CCDC178: variants seen among roughly 807,000 people sequenced by gnomAD.
CCDC178 encodes the protein coiled-coil domain containing 178.
In CCDC178, 126 loss-of-function variants were observed where a neutral mutation model predicts 117.4. That is an observed-to-expected ratio of 1.07 (90% CI 0.93 to 1.24). The LOEUF is 1.24. CCDC178 is among the 50% of genes most tolerant of loss of function. The pLI, the probability that CCDC178 is intolerant of heterozygous loss-of-function variation, is 0.00. For synonymous variants in CCDC178, 283 were observed against 313.4 expected (o/e 0.90, Z 1.02); for missense variants, 1,030 against 986.9 (o/e 1.04, Z -0.59).
chr18:33,372,890 G>A (rs372278991), intron 5 of CCDC178, among the ~76,000 whole-genome samples: 2 of 151,914 alleles, frequency 1.3e-5, no homozygotes, highest in African/African-American at 2.4e-5. Flanking sequence ...CTTTATGTAC[G>A]TTACCCCAAT....
rs1555656314 is a variant in CCDC178 at position 33,179,116 on chromosome 18, A to ATATATAAAC, written c.2238+32779_2238+32780insGTTTATATA. Among the ~76,000 whole-genome samples, 16 of 115,820 alleles carry ATATATAAAC rather than the reference A, an allele frequency of 1.4e-4. 2 individuals carry two copies. The highest frequency in any genetic ancestry group is 1.8e-4 in the African/African-American group (5 of 28,314). 76.0% of individuals were successfully genotyped at this position (115,820 alleles called of 152,430 possible). A position where few individuals can be genotyped will look rare whatever the true frequency, so the allele number is the denominator to read the frequency against. ...ATATATATATATATATATAAACTAT[A>ATATATAAAC]TATATATATATAAACTATATATATA... On this transcript the variant is annotated intron_variant, in intron 20 of 22. Coordinates refer to ENST00000383096, the MANE Select transcript of CCDC178 (RefSeq NM_001105528.4).
intron 21 of CCDC178, among the ~76,000 whole-genome samples, chr18:33,049,594 T>C (rs1315871024): frequency 6.6e-6 from 1 of 152,204 alleles, no homozygotes; most frequent in Non-Finnish European, 1.5e-5. Context: ...GCATTTATTC[T>C]TGAATATGCT....
At chr18:32,983,612 G>T (rs2055199508) in intron 21 of CCDC178, among the ~76,000 whole-genome samples, 1 of 151,940 alleles carries the variant, frequency 6.6e-6, no homozygotes, top group African/African-American at 2.4e-5. Context: ...TTTCCTATAG[G>T]AATTTATTTT....
chr18:33,332,357 A>T (rs1178245862), intron 10 of CCDC178, among the ~76,000 whole-genome samples: 2 of 152,202 alleles, frequency 1.3e-5, no homozygotes. Context: ...AATAAATATA[A>T]TACAAATTTA....
chr18:33,254,251 AACACACACACACACACACACAC>A (rs34689445), intron 14 of CCDC178, among the ~76,000 whole-genome samples: 29 of 135,462 alleles, frequency 2.1e-4, no homozygotes, highest in African/African-American at 7.1e-4. Context: ...TCTATTGAGA[AACACACACACACACACACACAC>A]ACACACACAC....
intron 20 of CCDC178, 128 bp downstream of exon 20, chr18:33,211,768 T>C: frequency 1.5e-6 from 1 of 678,050 alleles, no homozygotes; most frequent in Non-Finnish European, 2.4e-6. Context: ...AGGTTTATTA[T>C]GTTAACAAAT....
chr18:33,300,001 A>G (rs2062156318), intron 11 of CCDC178, among the ~76,000 whole-genome samples: 2 of 152,316 alleles, frequency 1.3e-5, no homozygotes, highest in Non-Finnish European at 2.9e-5. Flanking sequence ...CGTAATCCCC[A>G]ATGTTTAAGG....
intron 15 of CCDC178, among the ~76,000 whole-genome samples, chr18:33,237,431 C>A (rs2059438384): frequency 1.3e-5 from 2 of 152,188 alleles, no homozygotes; most frequent in South Asian, 4.1e-4. Flanking sequence ...AGCCAAGAAA[C>A]CATACAGCCA....
At chr18:33,233,091 G>A (rs373696974) in intron 15 of CCDC178, among the ~76,000 whole-genome samples, 15 of 152,102 alleles carry the variant, frequency 9.9e-5, no homozygotes, top group Non-Finnish European at 1.5e-4. Context: ...AACAATTATT[G>A]TTGACCTCAT....
chr18:33,383,009 C>T (rs1378714571), intron 5 of CCDC178, among the ~76,000 whole-genome samples: 1 of 151,950 alleles, frequency 6.6e-6, no homozygotes, highest in Non-Finnish European at 1.5e-5. Flanking sequence ...GAGGGGATAG[C>T]GGGGAGGGAT....
At chr18:33,290,910 C>T (rs2060158737) in intron 12 of CCDC178, among the ~76,000 whole-genome samples, 1 of 152,070 alleles carries the variant, frequency 6.6e-6, no homozygotes, top group Non-Finnish European at 1.5e-5. Flanking sequence ...AAAAAAGTAA[C>T]TGGAAACTCA....
At chr18:33,008,410 A>G (rs1240424978) in intron 21 of CCDC178, among the ~76,000 whole-genome samples, 1 of 152,014 alleles carries the variant, frequency 6.6e-6, no homozygotes, top group Non-Finnish European at 1.5e-5. Flanking sequence ...GCAAAGCCCA[A>G]TCCTTCTACT....
intron 20 of CCDC178, among the ~76,000 whole-genome samples, chr18:33,141,890 G>A (rs148686372): frequency 1.3e-5 from 2 of 152,272 alleles, no homozygotes; most frequent in East Asian, 3.9e-4. Flanking sequence ...GCAAGAGGAT[G>A]TGATACCCAA....
At chr18:33,135,660 T>A (rs945572719) in intron 20 of CCDC178, among the ~76,000 whole-genome samples, 2 of 152,194 alleles carry the variant, frequency 1.3e-5, no homozygotes, top group Non-Finnish European at 2.9e-5. Flanking sequence ...GTAGCTATCT[T>A]TGATTGCATG....
rs16964123 is a variant in CCDC178, at chr18:32,945,286, G to A, written c.2524-7195C>T. ...CAGTCACATTACTTAATAATCTCAC[G>A]TGAGTTTTCTGAAATACACATTTGT... On this transcript the variant is annotated intron_variant, in intron 22 of 22. Transcript: ENST00000383096. Among the ~76,000 whole-genome samples, 745 of 152,228 alleles carry A rather than the reference G, an allele frequency of 4.9e-3. 6 individuals carry two copies. Among genetic ancestry groups the A allele is most frequent in the African/African-American group, 0.017 (710 of 41,542 alleles).
At chr18:33,220,921 C>T (rs2059225090) in intron 18 of CCDC178, among the ~76,000 whole-genome samples, 1 of 152,022 alleles carries the variant, frequency 6.6e-6, no homozygotes, top group Non-Finnish European at 1.5e-5. Flanking sequence ...AGTGCCACTA[C>T]CAAGGATACT....
At chr18:32,987,490 A>C (rs1357293079) in intron 21 of CCDC178, among the ~76,000 whole-genome samples, 2 of 152,082 alleles carry the variant, frequency 1.3e-5, no homozygotes, top group Non-Finnish European at 2.9e-5. Flanking sequence ...TGACAGGCTT[A>C]ATAAACTTGA....
At chr18:33,100,842 G>T (rs1006099275) in intron 20 of CCDC178, among the ~76,000 whole-genome samples, 2 of 151,882 alleles carry the variant, frequency 1.3e-5, no homozygotes, top group African/African-American at 4.8e-5. Context: ...ATTTGGTCAA[G>T]TTTTCTTCAA....
intron 20 of CCDC178, among the ~76,000 whole-genome samples, chr18:33,156,370 G>A (rs1483187628): frequency 6.6e-6 from 1 of 151,276 alleles, no homozygotes; most frequent in Non-Finnish European, 1.5e-5. Flanking sequence ...TTACAGGTGT[G>A]AGCCACCGCA....
Sources: gnomAD v4.1 joint callset for allele counts (sites outside exome capture counted in the v4.1 genomes callset) on GRCh38, gnomAD v4.1.1 for gene constraint, MANE v1.5 for transcripts, NCBI Gene and HGNC (gene_info 2026-07-23, HGNC 2026-07-21) for gene names.